Variants in SLC2A9 observed in about 807,000 individuals in gnomAD.
The protein encoded by SLC2A9 is solute carrier family 2 member 9.
Under a neutral mutation model 50.6 loss-of-function variants are expected in SLC2A9, and 39 were observed. The observed-to-expected ratio is 0.77, with a 90% CI of 0.60 to 1.01. The LOEUF is 1.01. Ranked by LOEUF, SLC2A9 falls within the 50% of genes least tolerant of loss-of-function variation. The probability of loss-of-function intolerance (pLI) is 0.00; values close to 1 mark genes in which losing one functional copy is unlikely to be tolerated. For synonymous variants in SLC2A9, 324 were observed against 276.9 expected, an observed-to-expected ratio of 1.17 and a Z score of -1.69; for missense variants, 686 against 677.6, an observed-to-expected ratio of 1.01 and a Z score of -0.14.
At chr4:10,013,104 C>A (rs1762040317) in intron 2 of SLC2A9, among the ~76,000 whole-genome samples, 1 of 152,198 alleles carries the variant, frequency 6.6e-6, no homozygotes, top group African/African-American at 2.4e-5. Context: ...CAGCACAGCA[C>A]AGATAACCCT....
chr4:9,874,187 C>T (rs1236443292), intron 10 of SLC2A9, among the ~76,000 whole-genome samples: 1 of 152,176 alleles, frequency 6.6e-6, no homozygotes, highest in African/African-American at 2.4e-5. Context: ...AGACATTCCT[C>T]CTTTTCCCTT....
chr4:9,989,231 G>A (rs1449501206), intron 3 of SLC2A9, among the ~76,000 whole-genome samples: 1 of 152,038 alleles, frequency 6.6e-6, no homozygotes, highest in Admixed American at 6.5e-5. Context: ...TTAAATCTCT[G>A]TCTACTGGGC....
intron 5 of SLC2A9, among the ~76,000 whole-genome samples, chr4:9,977,621 T>C (rs1024216469): frequency 7.6e-6 from 1 of 132,004 alleles, no homozygotes; most frequent in Non-Finnish European, 1.6e-5. Context: ...CCTTCCCCCA[T>C]ACTCTTACCT....
At chr4:9,805,838 T>A (rs1394768173) in intron 3 of SLC2A9, among the ~76,000 whole-genome samples, 1 of 152,176 alleles carries the variant, frequency 6.6e-6, no homozygotes, top group East Asian at 1.9e-4. Context: ...TGGGCACTGT[T>A]CTAGGGGTTT....
chr4:10,027,321 T>C lies in SLC2A9; in HGVS notation c.-40-1315A>G, dbSNP rs145250941. On this transcript the variant is annotated intron_variant, in intron 1 of 12. Coordinates refer to the SLC2A9 transcript ENST00000309065. ...GAATTGTTTACTTTAAAATGGTTAA[T>C]TTTTCCCTATGTGATTTTACCTCAT... is the stretch of plus-strand genomic sequence containing the variant. 9.9e-5 allele frequency among the ~76,000 whole-genome samples: 15 copies of C among 152,274 alleles called. No individual in the cohort carries two copies. In the East Asian group the frequency reaches 2.9e-3, roughly 29 times the overall value.
At chr4:9,990,158 C>T (rs1002885152) in intron 3 of SLC2A9, among the ~76,000 whole-genome samples, 6 of 152,056 alleles carry the variant, frequency 3.9e-5, no homozygotes, top group African/African-American at 1.4e-4. Flanking sequence ...TGCCTGAGTG[C>T]TTGGCACATA....
At chr4:9,922,479 T>C (rs1203371551) in intron 6 of SLC2A9, among the ~76,000 whole-genome samples, 1 of 152,038 alleles carries the variant, frequency 6.6e-6, no homozygotes, top group Non-Finnish European at 1.5e-5. Context: ...AACTTTAAAA[T>C]TTAAAAAAAA....
intron 5 of SLC2A9, among the ~76,000 whole-genome samples, chr4:9,971,334 T>C (rs2109011402): frequency 6.6e-6 from 1 of 152,366 alleles, no homozygotes. Flanking sequence ...AATTTTACTT[T>C]GTATTTTTCT....
chr4:9,915,394 C>A (rs931276233), intron 7 of SLC2A9, among the ~76,000 whole-genome samples: 1 of 152,200 alleles, frequency 6.6e-6, no homozygotes, highest in Non-Finnish European at 1.5e-5. Context: ...TGTGCCACCA[C>A]GTCCAGCTAA....
At chr4:9,788,803 G>A (rs757935287) in intron 3 of SLC2A9, among the ~76,000 whole-genome samples, 15 of 152,084 alleles carry the variant, frequency 9.9e-5, no homozygotes, top group Non-Finnish European at 2.1e-4. Context: ...ATTATTCTTT[G>A]AGTAGTTTTT....
At chr4:9,945,261 T>C (rs1225566166) in intron 5 of SLC2A9, among the ~76,000 whole-genome samples, 1 of 152,258 alleles carries the variant, frequency 6.6e-6, no homozygotes, top group Non-Finnish European at 1.5e-5. Context: ...GAAATGCCTA[T>C]GCCTCAGTGT....
chr4:9,845,423 A>ATTTTTTTTTTTTTTTTT (rs1183351674), intron 10 of SLC2A9, among the ~76,000 whole-genome samples: 27 of 130,798 alleles, frequency 2.1e-4, no homozygotes, highest in African/African-American at 3.8e-4. Flanking sequence ...ACGATCATCA[A>ATTTTTTTTTTTTTTTTT]TTTCTTTTTT....
intron 1 of SLC2A9, among the ~76,000 whole-genome samples, chr4:9,773,044 T>A (rs1432057035): frequency 6.6e-6 from 1 of 152,156 alleles, no homozygotes; most frequent in Non-Finnish European, 1.5e-5. Context: ...CGTAAGCCCA[T>A]CCTTCTGCCT....
At chr4:9,821,353 T>A (rs1724371413), downstream of SLC2A9, among the ~76,000 whole-genome samples, 1 of 152,216 alleles carries the variant, frequency 6.6e-6, no homozygotes, top group African/African-American at 2.4e-5. Flanking sequence ...TGCCTTTGGA[T>A]GGATGAAGCT....
intron 3 of SLC2A9, among the ~76,000 whole-genome samples, chr4:9,781,469 C>G (rs1263068726): frequency 6.6e-6 from 1 of 152,210 alleles, no homozygotes; most frequent in African/African-American, 2.4e-5. Context: ...GGACTAGGGT[C>G]TGGCGCTGGG....
chr4:9,968,307 T>C (rs116477885), intron 5 of SLC2A9, among the ~76,000 whole-genome samples: 195 of 152,346 alleles, frequency 1.3e-3, no homozygotes, highest in African/African-American at 4.5e-3. Flanking sequence ...CAGCATAGCA[T>C]GTGCAGTTCA....
chr4:9,776,427 G>T (rs964448047), downstream of SLC2A9, among the ~76,000 whole-genome samples: 1 of 151,948 alleles, frequency 6.6e-6, no homozygotes, highest in African/African-American at 2.4e-5. Flanking sequence ...TCCTGCCACT[G>T]CCCTGAGCCT....
intron 1 of SLC2A9, among the ~76,000 whole-genome samples, chr4:9,772,074 A>C (rs1258083236): frequency 6.6e-6 from 1 of 152,202 alleles, no homozygotes; most frequent in Non-Finnish European, 1.5e-5. Context: ...GTTGCAGGGA[A>C]TCATAGGGAG....
intron 3 of SLC2A9, chr4:9,783,496 T>C (rs775082292): frequency 1.9e-6 from 3 of 1,563,296 alleles, no homozygotes; most frequent in Middle Eastern, 1.7e-4. Context: ...TGGATCTGCA[T>C]AACCGCACAG....
Sources: allele counts gnomAD v4.1 joint callset (sites outside exome capture counted in the v4.1 genomes callset), GRCh38; gene constraint gnomAD v4.1.1; transcripts MANE v1.5; gene names NCBI Gene and HGNC (gene_info 2026-07-23, HGNC 2026-07-21).